The following RTL9 variants were observed in gnomAD, a reference collection of about 807,000 sequenced individuals.
RTL9 encodes the protein retrotransposon Gag-like protein 9.
In RTL9, 19 loss-of-function variants were observed where a neutral mutation model predicts 44.7. That is an observed-to-expected ratio of 0.42 (90% confidence interval 0.30 to 0.62). The LOEUF is 0.62. RTL9 is among the 20% of genes least tolerant of loss of function. RTL9 has a pLI of 0.16. For synonymous variants in RTL9, 407 were observed against 398.9 expected, an observed-to-expected ratio of 1.02 and a Z score of -0.24; for missense variants, 1,105 against 1,080.6, an observed-to-expected ratio of 1.02 and a Z score of -0.32.
intron 1 of RTL9, among the ~76,000 whole-genome samples, chrX:110,427,400 G>A (rs768655727): frequency 2.7e-5 from 3 of 111,700 alleles, no homozygotes; most frequent in African/African-American, 9.8e-5. Context: ...GTTAGAGTAC[G>A]TACTCATTAG....
chrX:110,447,111 C>CTTTTTTTTTTTTTTTTT (rs1181988453), upstream of RTL9, among the ~76,000 whole-genome samples: 1 of 36,827 alleles, frequency 2.7e-5, no homozygotes, highest in Non-Finnish European at 4.4e-5. Context: ...TATTCTGTGA[C>CTTTTTTTTTTTTTTTTT]TTTTTTTTTT....
exon 2 of RTL9, chrX:110,455,770 T>C (rs1396208840): frequency 8.5e-6 from 1 of 118,116 alleles, no homozygotes; most frequent in Non-Finnish European, 1.8e-5. Context: ...TGTAACCCAG[T>C]AGACTTGCCC....
chrX:110,372,370 C>T (rs1165719720), intron 1 of RTL9, among the ~76,000 whole-genome samples: 1 of 112,486 alleles, frequency 8.9e-6, no homozygotes, highest in Admixed American at 9.4e-5. Context: ...TGGCACCGTT[C>T]TTCACATCCG....
chrX:110,454,528 C>T (rs1300628139), exon 1 of RTL9: 1 of 1,211,873 alleles, frequency 8.3e-7, no homozygotes, highest in Non-Finnish European at 1.1e-6. Context: ...ATAGACAGGT[C>T]TCTGTACACC....
intron 1 of RTL9, among the ~76,000 whole-genome samples, chrX:110,372,819 C>T (rs1361013171): frequency 2.7e-5 from 3 of 111,400 alleles, no homozygotes; most frequent in Non-Finnish European, 5.7e-5. Flanking sequence ...ATTGACATTT[C>T]ACCACTCACA....
At chrX:110,386,864 A>G (rs5985463) in intron 1 of RTL9, among the ~76,000 whole-genome samples, 17,025 of 111,947 alleles carry the variant, frequency 0.15, 2,289 homozygotes, top group African/African-American at 0.44. Context: ...AAAGAGCTTC[A>G]TAACACAGAA....
intron 1 of RTL9, among the ~76,000 whole-genome samples, chrX:110,442,714 C>T (rs2068889485): frequency 9.0e-6 from 1 of 111,609 alleles, no homozygotes; most frequent in African/African-American, 3.3e-5. Flanking sequence ...CACCCACAAG[C>T]CCCTTCTAAG....
intron 1 of RTL9, among the ~76,000 whole-genome samples, chrX:110,399,148 T>TA (rs2068547628): frequency 8.9e-6 from 1 of 112,184 alleles, no homozygotes; most frequent in African/African-American, 3.2e-5. Context: ...AATAATATAA[T>TA]ACAGTGTATC....
intron 1 of RTL9, among the ~76,000 whole-genome samples, chrX:110,359,297 C>CT (rs750661684): frequency 5.5e-4 from 61 of 110,971 alleles, no homozygotes; most frequent in Non-Finnish European, 9.5e-4. Flanking sequence ...ACCCCTTTGG[C>CT]TTTTTTTTCA....
At chrX:110,400,081 T>C (rs2068553822) in intron 1 of RTL9, among the ~76,000 whole-genome samples, 1 of 110,307 alleles carries the variant, frequency 9.1e-6, no homozygotes, top group East Asian at 2.8e-4. Context: ...ACTACTGAGA[T>C]GCTGTAATCT....
intron 1 of RTL9, among the ~76,000 whole-genome samples, chrX:110,370,395 G>C (rs979979250): frequency 1.3e-4 from 14 of 110,542 alleles, no homozygotes; most frequent in Non-Finnish European, 2.5e-4. Context: ...TTTTAGTAGA[G>C]ACATGGTTTC....
intron 1 of RTL9, among the ~76,000 whole-genome samples, chrX:110,440,522 A>G (rs754483758): frequency 9.0e-6 from 1 of 111,652 alleles, no homozygotes; most frequent in Admixed American, 9.4e-5. Flanking sequence ...CTTGTTTCCA[A>G]CTTGCTGAAG....
chrX:110,407,588 G>C (rs1391101366), intron 1 of RTL9, among the ~76,000 whole-genome samples: 1 of 112,346 alleles, frequency 8.9e-6, no homozygotes, highest in Non-Finnish European at 1.9e-5. Flanking sequence ...GAGAGTCTAA[G>C]TGAATTTCTT....
chrX:110,449,014 C>T (rs866020656), upstream of RTL9, among the ~76,000 whole-genome samples: 1 of 110,246 alleles, frequency 9.1e-6, no homozygotes, highest in Non-Finnish European at 1.9e-5. Context: ...ACCAGGGTGT[C>T]AGCAGGAGGC....
At chrX:110,428,617 T>C (rs1157193194) in intron 1 of RTL9, among the ~76,000 whole-genome samples, 1 of 111,225 alleles carries the variant, frequency 9.0e-6, no homozygotes, top group East Asian at 2.8e-4. Flanking sequence ...CTCTCCAAGA[T>C]GTGGCTTTCT....
intron 1 of RTL9, among the ~76,000 whole-genome samples, chrX:110,425,990 A>G (rs1468166098): frequency 8.9e-6 from 1 of 112,166 alleles, no homozygotes; most frequent in Non-Finnish European, 1.9e-5. Context: ...GCACACACAC[A>G]CACACACAAA....
At chrX:110,367,477 CA>C (rs2068305193) in intron 1 of RTL9, among the ~76,000 whole-genome samples, 1 of 111,488 alleles carries the variant, frequency 9.0e-6, no homozygotes, top group Non-Finnish European at 1.9e-5. Flanking sequence ...GCATTTGACA[CA>C]GTTTATCACT....
Position 110,453,953 on chromosome X carries a change from C to CA in RTL9, c.3337dup (p.Thr1113AsnfsTer17). On this transcript the variant is annotated frameshift_variant, in exon 1 of 2. Transcript: ENST00000540313. LOFTEE classifies it high-confidence loss of function. ...AGGCATCCACCTCTCACATTAACATCACAGCCTCTGGATCAAAGCCCACAT... is the reference window on the plus strand; with the variant it reads ...AGGCATCCACCTCTCACATTAACATCAACAGCCTCTGGATCAAAGCCCACAT... The CA allele has an allele frequency of 8.3e-7, 1 of 1,211,970 alleles. No individual in the cohort carries two copies. The highest frequency in any genetic ancestry group is 1.1e-6 in the Non-Finnish European group (1 of 895,571).
At chrX:110,378,476 C>T (rs184085034) in intron 1 of RTL9, among the ~76,000 whole-genome samples, 1 of 111,835 alleles carries the variant, frequency 8.9e-6, no homozygotes, top group East Asian at 2.8e-4. Flanking sequence ...TTGAAGTTTC[C>T]CTTTTGCCTA....
Sources: gnomAD v4.1 joint callset for allele counts (sites outside exome capture counted in the v4.1 genomes callset) on GRCh38, gnomAD v4.1.1 for gene constraint, MANE v1.5 for transcripts, NCBI Gene and HGNC (gene_info 2026-07-23, HGNC 2026-07-21) for gene names.